PARG: variants seen among roughly 807,000 people sequenced by gnomAD.
The protein encoded by PARG is poly(ADP-ribose) glycohydrolase, also known as mitochondrial poly(ADP-ribose) glycohydrolase.
A neutral mutation model predicts 113.0 loss-of-function variants in PARG; 35 were observed. The observed-to-expected ratio is 0.31, with a 90% CI of 0.24 to 0.41. PARG has a LOEUF of 0.41. Ranked by LOEUF, PARG falls within the 10% of genes least tolerant of loss-of-function variation. The pLI, the probability that PARG is intolerant of heterozygous loss-of-function variation, is 1.00. For synonymous variants in PARG, 330 were observed against 409.9 expected (o/e 0.81, Z 2.36); for missense variants, 797 against 1,169.4 (o/e 0.68, Z 4.64).
At chr10:49,869,828 C>T (rs1236723175) in intron 9 of PARG, among the ~76,000 whole-genome samples, 6 of 151,812 alleles carry the variant, frequency 4.0e-5, no homozygotes, top group Non-Finnish European at 7.4e-5. Flanking sequence ...ACAGAGAAGG[C>T]ACCATCCAGC....
Position 49,823,649 on chromosome 10 carries a change from G to A in PARG, c.2648-3356C>T, listed in dbSNP as rs913784041. 2.0e-5 allele frequency among the ~76,000 whole-genome samples: 3 copies of A among 151,892 alleles called. No individual in the cohort carries two copies. The East Asian group carries it at 5.8e-4, about 29-fold the overall frequency. On this transcript the variant is annotated intron_variant, in intron 16 of 17. Transcript: ENST00000616448. ...CTAAACTACACATAAAAATGGGAACGAATGAATCATCATCTTTCTCCACCA... is the reference window on the plus strand; with the variant it reads ...CTAAACTACACATAAAAATGGGAACAAATGAATCATCATCTTTCTCCACCA...
At chr10:49,832,692 C>T (rs1844730329) in intron 16 of PARG, 111 bp downstream of exon 16, 1 of 566,440 alleles carries the variant, frequency 1.8e-6, no homozygotes, top group Non-Finnish European at 3.2e-6. Context: ...ATTCCTTTTC[C>T]TTTTCTCTTA....
At chr10:49,899,343 G>A (rs114726874) in intron 7 of PARG, among the ~76,000 whole-genome samples, 1,958 of 152,292 alleles carry the variant, frequency 0.013, 38 homozygotes, top group African/African-American at 0.043. Context: ...TGGAGAAGGT[G>A]AAAATTTCTA....
chr10:49,905,619 C>T (rs553713797), intron 7 of PARG, among the ~76,000 whole-genome samples: 2 of 152,332 alleles, frequency 1.3e-5, no homozygotes, highest in East Asian at 3.9e-4. Flanking sequence ...CAGAGCTATT[C>T]CCAGAAGGAG....
rs2132981529 is a variant in PARG, at chr10:49,934,242, G to A, written c.285-79C>T. The A allele has an allele frequency of 1.0e-5, 7 of 675,782 alleles. No individual in the cohort carries two copies. In the East Asian group the frequency reaches 1.6e-4, roughly 16 times the overall value. The allele number at this position is 675,782 out of a possible 1,614,324, so 41.9% of individuals were successfully genotyped here. A position where few individuals can be genotyped will look rare whatever the true frequency, so the allele number is the denominator to read the frequency against. On this transcript the variant is annotated intron_variant, in intron 2 of 17. Transcript: ENST00000616448. ...ATCCAATCATACCCCCAGTGTCACA[G>A]CAGTAATTAAACTCCCTGTGGTCAG...
intron 16 of PARG, among the ~76,000 whole-genome samples, chr10:49,831,736 C>T (rs1388988081): frequency 6.6e-6 from 1 of 152,148 alleles, no homozygotes; most frequent in African/African-American, 2.4e-5. Flanking sequence ...CTCTGCTTTC[C>T]CTTCTAGGCT....
intron 7 of PARG, among the ~76,000 whole-genome samples, chr10:49,904,213 T>C (rs1485249641): frequency 6.6e-6 from 1 of 152,102 alleles, no homozygotes; most frequent in Non-Finnish European, 1.5e-5. Flanking sequence ...AATCATTCAA[T>C]GACAGAATGT....
At chr10:49,887,941 T>C (rs1847578185) in intron 7 of PARG, among the ~76,000 whole-genome samples, 2 of 152,226 alleles carry the variant, frequency 1.3e-5, no homozygotes, top group Admixed American at 6.5e-5. Flanking sequence ...CTTTCTTTTA[T>C]CTGTTTTCTT....
chr10:49,913,643 C>CTT (rs1482488499), intron 7 of PARG, among the ~76,000 whole-genome samples: 16 of 152,106 alleles, frequency 1.1e-4, no homozygotes, highest in Non-Finnish European at 2.1e-4. Context: ...TGGCTCACAC[C>CTT]TGTAATCCCA....
chr10:49,839,197 C>A (rs782703113), intron 15 of PARG, among the ~76,000 whole-genome samples: 1 of 151,928 alleles, frequency 6.6e-6, no homozygotes, highest in Non-Finnish European at 1.5e-5. Flanking sequence ...ATTAGCCTGG[C>A]GTGGTGGTGC....
intron 2 of PARG, among the ~76,000 whole-genome samples, chr10:49,934,740 T>C (rs1189707733): frequency 1.3e-5 from 2 of 151,894 alleles, no homozygotes; most frequent in Non-Finnish European, 2.9e-5. Context: ...TCCCAGCTAC[T>C]TGGGAGGCTG....
At chr10:49,918,654 C>T (rs1280650926) in intron 6 of PARG, among the ~76,000 whole-genome samples, 1 of 152,130 alleles carries the variant, frequency 6.6e-6, no homozygotes, top group Non-Finnish European at 1.5e-5. Flanking sequence ...CCTCTAAATC[C>T]AACATCAAAT....
chr10:49,825,932 G>C (rs1479085677), intron 16 of PARG, among the ~76,000 whole-genome samples: 7 of 152,186 alleles, frequency 4.6e-5, no homozygotes, highest in African/African-American at 1.4e-4. Context: ...AAATGTTTGG[G>C]ACCAGATTGG....
chr10:49,910,003 A>G (rs1384727332), intron 7 of PARG: 6 of 152,182 alleles, frequency 3.9e-5, no homozygotes, highest in African/African-American at 1.2e-4. Flanking sequence ...AAAAAAAGTA[A>G]AAAAAAATTT....
At chr10:49,824,545 T>C (rs966534727) in intron 16 of PARG, among the ~76,000 whole-genome samples, 1 of 152,160 alleles carries the variant, frequency 6.6e-6, no homozygotes, top group Non-Finnish European at 1.5e-5. Flanking sequence ...CAAATAAATA[T>C]GAATAACATG....
Position 49,932,250 on chromosome 10 carries a change from T to G in PARG, c.1305A>C (p.Thr435=). ...KEQWETKHQR[T]ERKIPKYVPP... ...GAACGTATTTAGGGATCTTCCTTTC[T>G]GTTCTTTGATGTTTGGTTTCCCACT... The change falls in exon 4 of 18, where the codon ACA becomes ACC. Residue 435 remains threonine (T), a synonymous_variant. Transcript: ENST00000616448. The G allele has an allele frequency of 4.4e-6, 7 of 1,592,784 alleles. No individual in the cohort carries two copies. In the South Asian group the frequency reaches 4.4e-5, roughly 10 times the overall value.
At chr10:49,863,070 G>A (rs1846331054) in intron 11 of PARG, among the ~76,000 whole-genome samples, 1 of 151,718 alleles carries the variant, frequency 6.6e-6, no homozygotes, top group Non-Finnish European at 1.5e-5. Flanking sequence ...TCTTGGTTTT[G>A]TTTTGAAGCA....
At chr10:49,885,104 GTCTCTCTC>G (rs1297192529) in intron 8 of PARG, 91 bp downstream of exon 8, 4 of 644,096 alleles carry the variant, frequency 6.2e-6, no homozygotes, top group Non-Finnish European at 1.1e-5. Flanking sequence ...CTGTCTCTCT[GTCTCTCTC>G]TCTCTCTCTG....
intron 16 of PARG, among the ~76,000 whole-genome samples, chr10:49,820,967 A>G (rs529956332): frequency 3.9e-5 from 6 of 152,150 alleles, no homozygotes; most frequent in Non-Finnish European, 8.8e-5. Flanking sequence ...GTCTTATCAC[A>G]CAGCCACTGG....
Sources: allele counts gnomAD v4.1 joint callset (sites outside exome capture counted in the v4.1 genomes callset), GRCh38; gene constraint gnomAD v4.1.1; transcripts MANE v1.5; gene names NCBI Gene and HGNC (gene_info 2026-07-23, HGNC 2026-07-21).